Variants in TENM2 observed in about 807,000 individuals in gnomAD.
TENM2 encodes the protein teneurin transmembrane protein 2, also known as teneurin-2.
Under a neutral mutation model 245.2 loss-of-function variants are expected in TENM2, and 52 were observed. That is an observed-to-expected ratio of 0.21 (90% confidence interval 0.17 to 0.27). The LOEUF is 0.27. TENM2 is among the 10% of genes least tolerant of loss of function. The pLI, the probability that TENM2 is intolerant of heterozygous loss-of-function variation, is 1.00. For missense variants in TENM2, 3,046 were observed against 3,666.8 expected (o/e 0.83, Z 4.37); for synonymous variants, 1,363 against 1,438.9 (o/e 0.95, Z 1.19).
chr5:167,945,589 C>T lies in TENM2; in HGVS notation c.713-6999C>T, dbSNP rs59699806. 4.3e-3 allele frequency among the ~76,000 whole-genome samples: 658 copies of T among 152,226 alleles called. 6 individuals are homozygous for T. Among genetic ancestry groups the T allele is most frequent in the African/African-American group, 0.015 (624 of 41,546 alleles). ...TAGTCCTTTACGAACGTAGGCAGAG[C>T]GGAGGAAAACTTTGAATTCTGAGCC... On this transcript the variant is annotated intron_variant, in intron 3 of 28. Coordinates refer to ENST00000518659, the Ensembl canonical transcript of TENM2.
chr5:168,068,097 C>G (rs753252505), intron 7 of TENM2, among the ~76,000 whole-genome samples: 2 of 152,040 alleles, frequency 1.3e-5, no homozygotes, highest in Non-Finnish European at 2.9e-5. Context: ...TAACAGGAGA[C>G]AGGAACTGAA....
chr5:167,124,907 T>G, the TENM2 span, among the ~76,000 whole-genome samples: 11 of 152,190 alleles, frequency 7.2e-5, no homozygotes, highest in Non-Finnish European at 1.5e-5. Context: ...CTACAGAGAC[T>G]TCATCATGGG....
At chr5:167,669,735 G>A (rs1324739743) in intron 2 of TENM2, among the ~76,000 whole-genome samples, 7 of 152,090 alleles carry the variant, frequency 4.6e-5, no homozygotes, top group Non-Finnish European at 1.0e-4. Context: ...GTGGCAGATG[G>A]GGGAGGGAGT....
intron 6 of TENM2, among the ~76,000 whole-genome samples, chr5:168,048,538 C>T (rs1788811328): frequency 6.6e-6 from 1 of 152,204 alleles, no homozygotes; most frequent in African/African-American, 2.4e-5. Context: ...GGAAAAATCT[C>T]TCTGAGAAAC....
At chr5:167,305,566 G>C (rs561803455) in intron 1 of TENM2, among the ~76,000 whole-genome samples, 14 of 152,144 alleles carry the variant, frequency 9.2e-5, no homozygotes, top group Non-Finnish European at 1.9e-4. Flanking sequence ...AGTTACTTTT[G>C]TTCAATCTCA....
chr5:167,845,729 C>T (rs1424944699), intron 2 of TENM2, among the ~76,000 whole-genome samples: 1 of 152,126 alleles, frequency 6.6e-6, no homozygotes, highest in East Asian at 1.9e-4. Context: ...CTAGACTTAC[C>T]ATTCTTAACC....
chr5:167,994,011 C>T (rs1457708089), intron 5 of TENM2, among the ~76,000 whole-genome samples: 1 of 152,264 alleles, frequency 6.6e-6, no homozygotes, highest in Admixed American at 6.5e-5. Context: ...AGGCTGCACA[C>T]AAAGCCTGCT....
At chr5:167,020,925 C>T in the TENM2 span, among the ~76,000 whole-genome samples, 1 of 152,172 alleles carries the variant, frequency 6.6e-6, no homozygotes, top group Admixed American at 6.5e-5. Context: ...AGGTGGATTG[C>T]CTGAGCTTAG....
At chr5:167,017,090 T>C in the TENM2 span, among the ~76,000 whole-genome samples, 1 of 152,136 alleles carries the variant, frequency 6.6e-6, no homozygotes, top group Non-Finnish European at 1.5e-5. Context: ...CTCCCATTGT[T>C]TACAGAGGAG....
At chr5:168,066,262 G>C (rs745366726) in intron 7 of TENM2, among the ~76,000 whole-genome samples, 1 of 152,152 alleles carries the variant, frequency 6.6e-6, no homozygotes, top group East Asian at 1.9e-4. Flanking sequence ...CTGCTTGGAA[G>C]TCACACATAT....
At chr5:167,498,526 G>A (rs561740623) in intron 2 of TENM2, among the ~76,000 whole-genome samples, 39 of 152,044 alleles carry the variant, frequency 2.6e-4, no homozygotes, top group South Asian at 6.2e-4. Flanking sequence ...TTGAGGCATC[G>A]ACCCTGACCC....
chr5:167,737,087 A>G (rs1180490452), intron 2 of TENM2, among the ~76,000 whole-genome samples: 1 of 151,978 alleles, frequency 6.6e-6, no homozygotes, highest in Non-Finnish European at 1.5e-5. Context: ...CAGAAAGACA[A>G]CTCCTGTCGC....
rs116653014 is a variant in TENM2, at chr5:167,703,033, A to G, written c.503-172953A>G. The stretch of plus-strand genomic sequence containing the variant: ...TCTCCCTCTGTCTCCCTCTTGCTCT[A>G]TTTCTGTCTTGTTCTTGATTTCTCT... On this transcript the variant is annotated intron_variant, in intron 2 of 28. Coordinates refer to ENST00000518659, the Ensembl canonical transcript of TENM2. 5.2e-3 allele frequency among the ~76,000 whole-genome samples: 785 copies of G among 152,084 alleles called. 3 individuals are homozygous for G. Among genetic ancestry groups the G allele is most frequent in the Non-Finnish European group, 9.3e-3 (631 of 67,988 alleles).
chr5:167,419,773 T>C (rs1260307562), intron 2 of TENM2, among the ~76,000 whole-genome samples: 2 of 152,208 alleles, frequency 1.3e-5, no homozygotes, highest in Non-Finnish European at 2.9e-5. Flanking sequence ...CAAGAATAAA[T>C]ATACTTATGA....
chr5:167,397,923 C>T (rs1466453155), intron 2 of TENM2, among the ~76,000 whole-genome samples: 2 of 152,106 alleles, frequency 1.3e-5, no homozygotes, highest in Admixed American at 6.6e-5. Context: ...AAAACTGTGC[C>T]TATGACCATA....
intron 2 of TENM2, among the ~76,000 whole-genome samples, chr5:167,473,015 A>C (rs181194225): frequency 6.6e-6 from 1 of 152,270 alleles, no homozygotes; most frequent in East Asian, 1.9e-4. Context: ...AAAAACAAAT[A>C]CACTCAGTTA....
chr5:167,488,925 T>TA (rs1297429738), intron 2 of TENM2, among the ~76,000 whole-genome samples: 4 of 152,164 alleles, frequency 2.6e-5, no homozygotes, highest in African/African-American at 9.6e-5. Flanking sequence ...GTCAAATTCT[T>TA]AGAGTGGTCC....
chr5:167,136,457 G>T, the TENM2 span, among the ~76,000 whole-genome samples: 1 of 152,252 alleles, frequency 6.6e-6, no homozygotes, highest in African/African-American at 2.4e-5. Flanking sequence ...AATAACAGGG[G>T]AACACAATAT....
intron 3 of TENM2, among the ~76,000 whole-genome samples, chr5:167,917,359 G>C (rs186370786): frequency 6.8e-4 from 103 of 152,256 alleles, no homozygotes; most frequent in African/African-American, 2.3e-3. Context: ...GAGTCTCGGG[G>C]GGTTGTAGGG....
Sources: allele counts gnomAD v4.1 joint callset (sites outside exome capture counted in the v4.1 genomes callset), GRCh38; gene constraint gnomAD v4.1.1; transcripts MANE v1.5; gene names NCBI Gene and HGNC (gene_info 2026-07-23, HGNC 2026-07-21).